The following LRP1B variants were observed in gnomAD, a reference collection of about 807,000 sequenced individuals.
The protein encoded by LRP1B is low-density lipoprotein receptor-related protein 1B.
A neutral mutation model predicts 556.6 loss-of-function variants in LRP1B; 217 were observed. That is an observed-to-expected ratio of 0.39 (90% CI 0.35 to 0.44). LRP1B has a LOEUF of 0.44. Among genes scored for constraint, LRP1B ranks in the 20% least tolerant of loss-of-function variants. The probability of loss-of-function intolerance (pLI) is 1.00; values close to 1 mark genes in which losing one functional copy is unlikely to be tolerated. For missense variants in LRP1B, 5,053 were observed against 5,620.8 expected (o/e 0.90, Z 3.23); for synonymous variants, 2,047 against 1,865.8 (o/e 1.10, Z -2.50).
intron 82 of LRP1B, among the ~76,000 whole-genome samples, chr2:140,319,971 G>C (rs1364217655): frequency 6.6e-6 from 1 of 152,014 alleles, no homozygotes; most frequent in Non-Finnish European, 1.5e-5. Flanking sequence ...ACCCAAAACA[G>C]GGCTTCACAC....
intron 3 of LRP1B, among the ~76,000 whole-genome samples, chr2:141,357,361 G>A (rs953463026): frequency 1.3e-5 from 2 of 152,164 alleles, no homozygotes; most frequent in Non-Finnish European, 2.9e-5. Flanking sequence ...TAAAAAGAGA[G>A]CTTTGATAAG....
At chr2:140,512,796 G>A (rs751743728) in intron 51 of LRP1B, among the ~76,000 whole-genome samples, 1 of 152,076 alleles carries the variant, frequency 6.6e-6, no homozygotes, top group Non-Finnish European at 1.5e-5. Flanking sequence ...TTCTGAGAAC[G>A]ATCTTTTGTA....
At chr2:141,202,147 C>T (rs1049587941) in intron 6 of LRP1B, among the ~76,000 whole-genome samples, 25 of 152,010 alleles carry the variant, frequency 1.6e-4, no homozygotes, top group African/African-American at 5.6e-4. Context: ...TGTGTTGTTG[C>T]CCCCACCTCA....
At chr2:141,229,764 G>A (rs1324188786) in intron 5 of LRP1B, among the ~76,000 whole-genome samples, 2 of 152,156 alleles carry the variant, frequency 1.3e-5, no homozygotes, top group Non-Finnish European at 2.9e-5. Flanking sequence ...GATGGATCTA[G>A]ACTGACCTCT....
intron 3 of LRP1B, among the ~76,000 whole-genome samples, chr2:141,338,967 A>G (rs966269318): frequency 8.6e-5 from 13 of 151,594 alleles, no homozygotes; most frequent in Admixed American, 1.3e-4. Flanking sequence ...CCTGCCATTC[A>G]TAGGATATGA....
intron 7 of LRP1B, among the ~76,000 whole-genome samples, chr2:141,072,250 G>A (rs899029311): frequency 1.3e-5 from 2 of 152,038 alleles, no homozygotes; most frequent in East Asian, 1.9e-4. Context: ...TCACAAACTG[G>A]TTGTATCACT....
At chr2:141,419,091 T>C (rs1680044062) in intron 3 of LRP1B, among the ~76,000 whole-genome samples, 1 of 152,254 alleles carries the variant, frequency 6.6e-6, no homozygotes, top group Admixed American at 6.5e-5. Flanking sequence ...GAATGTCTTT[T>C]ATTTATTTTC....
intron 66 of LRP1B, among the ~76,000 whole-genome samples, chr2:140,395,128 G>T (rs779423758): frequency 6.6e-6 from 1 of 152,116 alleles, no homozygotes; most frequent in African/African-American, 2.4e-5. Flanking sequence ...AATTTTTATT[G>T]CTTAAAATAT....
chr2:140,482,464 T>A (rs1688284726), intron 59 of LRP1B, among the ~76,000 whole-genome samples: 1 of 152,130 alleles, frequency 6.6e-6, no homozygotes, highest in Non-Finnish European at 1.5e-5. Flanking sequence ...ATACAGGTAA[T>A]TTTTATCAAT....
intron 32 of LRP1B, among the ~76,000 whole-genome samples, chr2:140,783,940 T>C (rs1400938318): frequency 1.3e-5 from 2 of 152,184 alleles, no homozygotes; most frequent in South Asian, 2.1e-4. Flanking sequence ...AACAGTAGAT[T>C]GTTGGGCTCC....
intron 7 of LRP1B, among the ~76,000 whole-genome samples, chr2:141,084,261 G>A (rs550737446): frequency 6.0e-4 from 92 of 152,264 alleles, no homozygotes; most frequent in African/African-American, 2.1e-3. Context: ...ATGTTTTTAT[G>A]GAAAATGATT....
At chr2:141,488,080 A>G (rs965163276) in intron 2 of LRP1B, among the ~76,000 whole-genome samples, 2 of 152,166 alleles carry the variant, frequency 1.3e-5, no homozygotes, top group African/African-American at 4.8e-5. Context: ...CATTGTCTAT[A>G]TCACACTTTT....
At chr2:141,988,791 T>A (rs973459922) in intron 1 of LRP1B, among the ~76,000 whole-genome samples, 4 of 152,034 alleles carry the variant, frequency 2.6e-5, no homozygotes, top group African/African-American at 9.7e-5. Flanking sequence ...CATAAAATAA[T>A]CTCTTAAAAT....
chr2:141,300,462 A>C (rs300342), intron 3 of LRP1B, among the ~76,000 whole-genome samples: 15,045 of 152,244 alleles, frequency 0.099, 910 homozygotes, highest in Admixed American at 0.17. Context: ...ATGGATTATA[A>C]CTAGGTAAAC....
intron 82 of LRP1B, among the ~76,000 whole-genome samples, chr2:140,321,227 C>T (rs1680101760): frequency 7.9e-6 from 1 of 127,354 alleles, no homozygotes; most frequent in Admixed American, 7.5e-5. Context: ...TGCTACCATA[C>T]TGTTTTGTGT....
At chr2:141,363,121 C>T (rs1688895077) in intron 3 of LRP1B, among the ~76,000 whole-genome samples, 1 of 152,148 alleles carries the variant, frequency 6.6e-6, no homozygotes, top group South Asian at 2.1e-4. Context: ...ATGCTTTGTA[C>T]ATCTTCTATA....
intron 51 of LRP1B, among the ~76,000 whole-genome samples, chr2:140,510,472 C>CA (rs749358036): frequency 6.6e-6 from 1 of 152,112 alleles, no homozygotes; most frequent in Non-Finnish European, 1.5e-5. Flanking sequence ...TTATTCCTTA[C>CA]AATAAGCCCA....
intron 3 of LRP1B, among the ~76,000 whole-genome samples, chr2:141,275,050 A>C (rs1685232916): frequency 6.6e-6 from 1 of 152,210 alleles, no homozygotes; most frequent in Non-Finnish European, 1.5e-5. Flanking sequence ...TCCAGAAGAC[A>C]GAAGAGCCTA....
intron 1 of LRP1B, among the ~76,000 whole-genome samples, chr2:141,929,912 CAA>C (rs70994467): frequency 2.5e-4 from 26 of 104,124 alleles, no homozygotes; most frequent in African/African-American, 7.9e-4. Context: ...CGGATGGAAA[CAA>C]AAAAAAAAAA....
Sources: gnomAD v4.1 joint callset for allele counts (sites outside exome capture counted in the v4.1 genomes callset) on GRCh38, gnomAD v4.1.1 for gene constraint, MANE v1.5 for transcripts, NCBI Gene and HGNC (gene_info 2026-07-23, HGNC 2026-07-21) for gene names.